GYPC: variants seen among roughly 807,000 people sequenced by gnomAD.
GYPC encodes glycophorin C (Gerbich blood group).
Under a neutral mutation model 12.6 loss-of-function variants are expected in GYPC, and 14 were observed. The ratio of observed to expected loss-of-function variants is 1.11; its 90% CI spans 0.74 to 1.74. The LOEUF is 1.74. Ranked by LOEUF, GYPC falls within the 40% of genes most tolerant of loss-of-function variation. The probability of loss-of-function intolerance (pLI) is 0.00; values close to 1 mark genes in which losing one functional copy is unlikely to be tolerated. For synonymous variants in GYPC, 78 were observed against 62.1 expected (o/e 1.26, Z -1.20); for missense variants, 225 against 172.1 (o/e 1.31, Z -1.72).
At chr2:126,664,202 C>T (rs1682619442) in intron 1 of GYPC, among the ~76,000 whole-genome samples, 1 of 151,920 alleles carries the variant, frequency 6.6e-6, no homozygotes. Context: ...AAAAAATTTT[C>T]ATAGTCTTTT....
intron 1 of GYPC, among the ~76,000 whole-genome samples, chr2:126,676,190 C>T (rs1201293831): frequency 6.6e-6 from 1 of 152,176 alleles, no homozygotes; most frequent in East Asian, 1.9e-4. Context: ...AGGTTTCTTG[C>T]CTTTATCAAG....
intron 1 of GYPC, among the ~76,000 whole-genome samples, chr2:126,674,688 G>A (rs1228624432): frequency 6.6e-6 from 1 of 152,080 alleles, no homozygotes; most frequent in Non-Finnish European, 1.5e-5. Flanking sequence ...GTATGATGTG[G>A]TGTGGTCGGG....
chr2:126,694,974 C>T (rs1620878), intron 3 of GYPC, among the ~76,000 whole-genome samples: 4,019 of 152,146 alleles, frequency 0.026, 88 homozygotes, highest in African/African-American at 0.061. Flanking sequence ...GAGGGGTGAC[C>T]GCCCCTCGCA....
At chr2:126,691,082 C>T (rs1197029195) in intron 2 of GYPC, among the ~76,000 whole-genome samples, 3 of 151,882 alleles carry the variant, frequency 2.0e-5, no homozygotes, top group South Asian at 4.2e-4. Context: ...TATGCAGATA[C>T]AAGTGTTCCC....
chr2:126,681,402 C>T (rs567065865), intron 1 of GYPC, among the ~76,000 whole-genome samples: 2 of 152,104 alleles, frequency 1.3e-5, no homozygotes, highest in Admixed American at 6.5e-5. Context: ...ATTGCTCTCT[C>T]TCTTCAATTT....
At chr2:126,677,882 G>A (rs886742113) in intron 1 of GYPC, among the ~76,000 whole-genome samples, 1 of 152,160 alleles carries the variant, frequency 6.6e-6, no homozygotes, top group Non-Finnish European at 1.5e-5. Flanking sequence ...GTGTGCATTT[G>A]TCTTCACCAC....
intron 1 of GYPC, among the ~76,000 whole-genome samples, chr2:126,684,414 C>T (rs1173277116): frequency 6.6e-6 from 1 of 152,162 alleles, no homozygotes; most frequent in Admixed American, 6.5e-5. Context: ...AAGCTCTCCA[C>T]CCAACCCAGA....
intron 1 of GYPC, among the ~76,000 whole-genome samples, chr2:126,685,143 C>A (rs371455950): frequency 6.6e-6 from 1 of 152,168 alleles, no homozygotes; most frequent in African/African-American, 2.4e-5. Context: ...CGCATTTGAC[C>A]TTTCCTACCA....
chr2:126,672,336 A>T (rs1172090169), intron 1 of GYPC, among the ~76,000 whole-genome samples: 2 of 152,144 alleles, frequency 1.3e-5, no homozygotes, highest in African/African-American at 4.8e-5. Flanking sequence ...GAGGAAGAGA[A>T]TAGTGAGCCC....
At chr2:126,686,740 C>T (rs1573574642) in intron 1 of GYPC, 1 of 962,834 alleles carries the variant, frequency 1.0e-6, no homozygotes, top group South Asian at 4.8e-5. Context: ...AAAAATAGGT[C>T]CTCTCATGTC....
chr2:126,657,198 C>A (rs887496158), intron 1 of GYPC, among the ~76,000 whole-genome samples: 10 of 152,160 alleles, frequency 6.6e-5, no homozygotes, highest in African/African-American at 2.4e-4. Context: ...AGGCCTCACC[C>A]CTCACCCCGC....
At chr2:126,677,639 C>G (rs192065858) in intron 1 of GYPC, among the ~76,000 whole-genome samples, 1 of 146,676 alleles carries the variant, frequency 6.8e-6, no homozygotes, top group African/African-American at 2.5e-5. Context: ...TCCCATGTGC[C>G]GGGCAACACC....
chr2:126,660,275 C>T (rs2104767859), intron 1 of GYPC, among the ~76,000 whole-genome samples: 1 of 152,346 alleles, frequency 6.6e-6, no homozygotes, highest in Non-Finnish European at 1.5e-5. Flanking sequence ...CCATGCTGTG[C>T]TTTCTGTGGT....
chr2:126,662,220 A>C (rs1682553123), intron 1 of GYPC, among the ~76,000 whole-genome samples: 1 of 152,114 alleles, frequency 6.6e-6, no homozygotes, highest in South Asian at 2.1e-4. Flanking sequence ...AAACCTGATA[A>C]AACAATGATG....
chr2:126,693,168 A>C (rs1368251923), intron 2 of GYPC, among the ~76,000 whole-genome samples: 1 of 152,246 alleles, frequency 6.6e-6, no homozygotes, highest in African/African-American at 2.4e-5. Flanking sequence ...TGCATACATT[A>C]ATACCCCCTT....
In GYPC at chr2:126,696,190, GAAAA is replaced by G; in HGVS notation, c.*50_*53del. ...TGAATGCCTCCCCCATCTCCATCAGGAAAAATACACCCCATCGCCCAGCACCCCT... is the reference window on the plus strand; with the variant it reads ...TGAATGCCTCCCCCATCTCCATCAGGATACACCCCATCGCCCAGCACCCCT... On this transcript the variant is annotated 3_prime_UTR_variant, in exon 4 of 4. Coordinates refer to ENST00000259254, the MANE Select transcript of GYPC (RefSeq NM_002101.5). The G allele has an allele frequency of 7.3e-7, 1 of 1,363,572 alleles. No individual in the cohort carries two copies. Among genetic ancestry groups the G allele is most frequent in the Non-Finnish European group, 1.0e-6 (1 of 956,702 alleles). 84.5% of individuals were successfully genotyped at this position (1,363,572 alleles called of 1,614,324 possible).
In GYPC at chr2:126,696,332, C is replaced by A; in HGVS notation, c.*190C>A. On this transcript the variant is annotated 3_prime_UTR_variant, in exon 4 of 4. Transcript: ENST00000259254. ...GGAGGAGGACTCGCGCTACAAGAGG[C>A]CACTCCCAGGGACCCAGGGAGGCGA... The A allele has an allele frequency of 1.6e-6, 1 of 614,358 alleles. No homozygotes were observed. Among genetic ancestry groups the A allele is most frequent in the Non-Finnish European group, 2.9e-6 (1 of 339,274 alleles). The allele number at this position is 614,358 out of a possible 1,614,324, so 38.1% of individuals were successfully genotyped here. A position where few individuals can be genotyped will look rare whatever the true frequency, so the allele number is the denominator to read the frequency against.
chr2:126,663,116 C>T (rs1324407109), intron 1 of GYPC, among the ~76,000 whole-genome samples: 4 of 152,208 alleles, frequency 2.6e-5, no homozygotes, highest in Admixed American at 6.5e-5. Context: ...TGGCTCACTG[C>T]AACCTCCGAC....
intron 2 of GYPC, among the ~76,000 whole-genome samples, chr2:126,693,596 C>G (rs1023417462): frequency 2.6e-5 from 4 of 152,182 alleles, no homozygotes; most frequent in African/African-American, 9.7e-5. Context: ...ACTCTCAGTG[C>G]AGGCATTAGG....
Sources: gnomAD v4.1 joint callset for allele counts (sites outside exome capture counted in the v4.1 genomes callset) on GRCh38, gnomAD v4.1.1 for gene constraint, MANE v1.5 for transcripts, NCBI Gene and HGNC (gene_info 2026-07-23, HGNC 2026-07-21) for gene names.